Variants in SCAMP1 observed in about 807,000 individuals in gnomAD.
SCAMP1 encodes the protein secretory carrier-associated membrane protein 1.
A neutral mutation model predicts 41.8 loss-of-function variants in SCAMP1; 15 were observed. The observed-to-expected ratio is 0.36, with a 90% CI of 0.24 to 0.55. SCAMP1 has a LOEUF of 0.55. Among genes scored for constraint, SCAMP1 ranks in the 20% least tolerant of loss-of-function variants. SCAMP1 has a pLI of 0.86. For missense variants in SCAMP1, 341 were observed against 412.6 expected, an observed-to-expected ratio of 0.83 and a Z score of 1.50; for synonymous variants, 135 against 136.8, an observed-to-expected ratio of 0.99 and a Z score of 0.09.
At chr5:78,409,557 T>G (rs998591426) in intron 2 of SCAMP1, among the ~76,000 whole-genome samples, 3 of 152,166 alleles carry the variant, frequency 2.0e-5, no homozygotes, top group African/African-American at 7.2e-5. Context: ...AGAATTCTAC[T>G]TGGCTTGAGT....
chr5:78,406,460 G>T lies in SCAMP1; in HGVS notation c.136-9060G>T, dbSNP rs141176500. Among the ~76,000 whole-genome samples the T allele has an allele frequency of 1.7e-3, 254 of 152,254 alleles. 6 individuals are homozygous for T. In the East Asian group the frequency reaches 0.045, roughly 27 times the overall value. On this transcript the variant is annotated intron_variant, in intron 2 of 8. Coordinates refer to ENST00000621999, the MANE Select transcript of SCAMP1 (RefSeq NM_004866.6). The stretch of plus-strand genomic sequence containing the variant: ...TTAGAATATGGAAGAAAACCTGGAA[G>T]GAGAAAATATATTTGCTTATGCATG...
At chr5:78,385,077 A>G (rs1333440676) in intron 1 of SCAMP1, among the ~76,000 whole-genome samples, 1 of 152,078 alleles carries the variant, frequency 6.6e-6, no homozygotes, top group Non-Finnish European at 1.5e-5. Flanking sequence ...CCATCTGGCC[A>G]TGGACTTTTT....
intron 6 of SCAMP1, 144 bp from the exon 7 acceptor site, chr5:78,449,789 G>T: frequency 1.9e-6 from 1 of 536,170 alleles, no homozygotes; most frequent in Non-Finnish European, 3.2e-6. Flanking sequence ...GCCTCAGGTG[G>T]TTGCCACTTT....
At chr5:78,441,414 A>G (rs886341206) in intron 6 of SCAMP1, among the ~76,000 whole-genome samples, 2 of 152,208 alleles carry the variant, frequency 1.3e-5, no homozygotes, top group African/African-American at 4.8e-5. Context: ...TAGGGGGGAA[A>G]ATGATGTTTC....
At chr5:78,470,460 T>G (rs1172193726) in intron 8 of SCAMP1, among the ~76,000 whole-genome samples, 3 of 152,228 alleles carry the variant, frequency 2.0e-5, no homozygotes, top group Non-Finnish European at 4.4e-5. Flanking sequence ...ACCATAATGT[T>G]TTCAAGGTTC....
At chr5:78,405,320 G>A (rs1751905782) in intron 2 of SCAMP1, among the ~76,000 whole-genome samples, 1 of 151,832 alleles carries the variant, frequency 6.6e-6, no homozygotes, top group Non-Finnish European at 1.5e-5. Context: ...TCTTCATCTT[G>A]TCGCACCCTC....
intron 6 of SCAMP1, among the ~76,000 whole-genome samples, chr5:78,435,313 G>GC (rs1437671715): frequency 6.6e-6 from 1 of 152,128 alleles, no homozygotes; most frequent in Non-Finnish European, 1.5e-5. Flanking sequence ...GTATACATGT[G>GC]CCATGTTGGT....
intron 6 of SCAMP1, among the ~76,000 whole-genome samples, chr5:78,447,882 C>T (rs1226957228): frequency 1.5e-5 from 1 of 64,590 alleles, no homozygotes; most frequent in Non-Finnish European, 3.2e-5. Flanking sequence ...CCTACCCCTT[C>T]CTCCCCCTTC....
At chr5:78,438,505 T>G (rs898140977) in intron 6 of SCAMP1, among the ~76,000 whole-genome samples, 1 of 152,234 alleles carries the variant, frequency 6.6e-6, no homozygotes, top group East Asian at 1.9e-4. Context: ...TTGTTCAGTT[T>G]CCATGTAGTT....
intron 1 of SCAMP1, among the ~76,000 whole-genome samples, chr5:78,367,899 TG>T (rs946526509): frequency 3.3e-5 from 5 of 152,216 alleles, no homozygotes; most frequent in African/African-American, 4.8e-5. Context: ...TACCTCGTAT[TG>T]GTTCCTTCAC....
intron 6 of SCAMP1, among the ~76,000 whole-genome samples, chr5:78,435,318 G>A (rs1006918818): frequency 3.3e-5 from 5 of 152,162 alleles, no homozygotes; most frequent in Non-Finnish European, 5.9e-5. Flanking sequence ...CATGTGCCAT[G>A]TTGGTTTGCT....
intron 2 of SCAMP1, among the ~76,000 whole-genome samples, chr5:78,409,090 C>G (rs1752003628): frequency 6.6e-6 from 1 of 152,152 alleles, no homozygotes; most frequent in South Asian, 2.1e-4. Flanking sequence ...GGGATCTTGT[C>G]AATCCCTTAC....
intron 6 of SCAMP1, among the ~76,000 whole-genome samples, chr5:78,433,049 T>C (rs766283325): frequency 2.6e-5 from 4 of 152,194 alleles, no homozygotes; most frequent in Non-Finnish European, 5.9e-5. Flanking sequence ...ATCTCTGTTA[T>C]GATATTTTTC....
chr5:78,423,028 A>ATG (rs1752379838), intron 6 of SCAMP1, among the ~76,000 whole-genome samples: 1 of 11,714 alleles, frequency 8.5e-5, no homozygotes, highest in South Asian at 7.6e-3. Context: ...ACACACACAC[A>ATG]CACACACACA....
intron 8 of SCAMP1, among the ~76,000 whole-genome samples, chr5:78,468,067 T>A (rs1753789275): frequency 6.6e-6 from 1 of 152,134 alleles, no homozygotes; most frequent in African/African-American, 2.4e-5. Context: ...TCCTATATAT[T>A]TATCCTAATT....
intron 8 of SCAMP1, among the ~76,000 whole-genome samples, chr5:78,474,196 T>C (rs2112258950): frequency 6.6e-6 from 1 of 152,220 alleles, no homozygotes; most frequent in African/African-American, 2.4e-5. Context: ...AATGCAAGCT[T>C]CACCTTCATG....
At chr5:78,390,767 G>A (rs923749006) in intron 2 of SCAMP1, among the ~76,000 whole-genome samples, 1 of 150,502 alleles carries the variant, frequency 6.6e-6, no homozygotes, top group Non-Finnish European at 1.5e-5. Context: ...GTGAACAAAG[G>A]TCTCTGGTTT....
At chr5:78,433,588 G>GTAATT (rs1752674506) in intron 6 of SCAMP1, among the ~76,000 whole-genome samples, 2 of 152,108 alleles carry the variant, frequency 1.3e-5, no homozygotes, top group African/African-American at 4.8e-5. Flanking sequence ...AATTACTTTG[G>GTAATT]TGTTACCTTA....
At chr5:78,467,937 A>AC (rs1753786286) in intron 8 of SCAMP1, among the ~76,000 whole-genome samples, 1 of 152,142 alleles carries the variant, frequency 6.6e-6, no homozygotes, top group Non-Finnish European at 1.5e-5. Context: ...ATTTATAACC[A>AC]CTAGGGGTCA....
Sources: gnomAD v4.1 joint callset for allele counts (sites outside exome capture counted in the v4.1 genomes callset) on GRCh38, gnomAD v4.1.1 for gene constraint, MANE v1.5 for transcripts, NCBI Gene and HGNC (gene_info 2026-07-23, HGNC 2026-07-21) for gene names.